The following TEX30 variants were observed in gnomAD, a reference collection of about 807,000 sequenced individuals.
The protein encoded by TEX30 is testis-expressed protein 30.
Under a neutral mutation model 23.8 loss-of-function variants are expected in TEX30, and 14 were observed. The ratio of observed to expected loss-of-function variants is 0.59; its 90% CI spans 0.39 to 0.92. TEX30 has a LOEUF of 0.92. Ranked by LOEUF, TEX30 falls within the 40% of genes least tolerant of loss-of-function variation. The pLI, the probability that TEX30 is intolerant of heterozygous loss-of-function variation, is 0.00. For synonymous variants in TEX30, 78 were observed against 90.2 expected, an observed-to-expected ratio of 0.87 and a Z score of 0.76; for missense variants, 246 against 270.6, an observed-to-expected ratio of 0.91 and a Z score of 0.64.
chr13:102,769,989 T>C, intron 2 of TEX30, 23 bp downstream of exon 2: 1 of 1,442,556 alleles, frequency 6.9e-7, no homozygotes, highest in Non-Finnish European at 9.1e-7. Flanking sequence ...ACCCTGAAGA[T>C]GCAGAACATA....
intron 1 of TEX30, 29 bp from the exon 2 acceptor site, chr13:102,770,115 G>T: frequency 1.1e-6 from 1 of 925,248 alleles, no homozygotes; most frequent in East Asian, 3.2e-5. Context: ...TGTGAAAGGT[G>T]AGTTGGCAGA....
rs1313150023 is a variant in TEX30 at position 102,773,711 on chromosome 13, C to CT, written c.-91_-90insA. Reference sequence around the variant, plus strand: ...GAAGGCAAAAGTGGCCGCGGGCACCCAACCGCCGTCACTCCCTTCAGGGAG... The same window carrying CT: ...GAAGGCAAAAGTGGCCGCGGGCACCCTAACCGCCGTCACTCCCTTCAGGGAG... On this transcript the variant is annotated 5_prime_UTR_variant, in exon 1 of 6. Transcript: ENST00000376032. The CT allele has an allele frequency of 6.6e-6, 1 of 152,142 alleles. No individual in the cohort carries two copies. Among genetic ancestry groups the CT allele is most frequent in the Non-Finnish European group, 1.5e-5 (1 of 68,010 alleles). 9.4% of individuals were successfully genotyped at this position (152,142 alleles called of 1,614,324 possible).
At chr13:102,767,220 T>C (rs987418966) in intron 5 of TEX30, 53 bp downstream of exon 5, 6 of 1,562,054 alleles carry the variant, frequency 3.8e-6, no homozygotes, top group Non-Finnish European at 5.2e-6. Context: ...GCTCCCAAGA[T>C]ATGTCTGCCT....
chr13:102,769,141 C>T (rs965003362), intron 3 of TEX30, among the ~76,000 whole-genome samples, 170 bp downstream of exon 3: 1 of 152,126 alleles, frequency 6.6e-6, no homozygotes, highest in Non-Finnish European at 1.5e-5. Flanking sequence ...AAACTGATGA[C>T]AAGGGAAATC....
At chr13:102,769,672 T>A in intron 2 of TEX30, 131 bp from the exon 3 acceptor site, 1 of 627,020 alleles carries the variant, frequency 1.6e-6, no homozygotes, top group East Asian at 2.9e-5. Flanking sequence ...AGTAGTGATA[T>A]TAATAATAGT....
In TEX30 at chr13:102,769,507, A is replaced by C. The variant is rs1214030701; in HGVS notation, c.50T>G (p.Leu17Arg). The change falls in exon 3 of 6, where the codon CTA (leucine) becomes CGA (arginine). Residue 17 changes from leucine (L) to arginine (R), a missense_variant. Physicochemically the swap from Leu to Arg is moderately radical, Grantham distance 102. Coordinates refer to ENST00000376032, the MANE Select transcript of TEX30 (RefSeq NM_138779.5). ...GTTAGGTACCAAACAAACAGCATCTAGTAATTTATTTCCAAAAGGTATTTT... is the reference window on the plus strand; with the variant it reads ...GTTAGGTACCAAACAAACAGCATCTCGTAATTTATTTCCAAAAGGTATTTT... ...KLKIPFGNKL[L>R]DAVCLVPNKS... 1 of 1,600,150 alleles carries C rather than the reference A, an allele frequency of 6.2e-7. No homozygotes were observed. Among genetic ancestry groups the C allele is most frequent in the Admixed American group, 1.8e-5 (1 of 56,206 alleles).
intron 1 of TEX30, among the ~76,000 whole-genome samples, chr13:102,771,747 C>T (rs1313887015): frequency 6.6e-6 from 1 of 152,190 alleles, no homozygotes; most frequent in Non-Finnish European, 1.5e-5. Context: ...AGCCTCCATC[C>T]AGTCTTCTAA....
intron 2 of TEX30, chr13:102,769,792 T>C (rs1425324911): frequency 1.9e-6 from 1 of 530,570 alleles, no homozygotes; most frequent in African/African-American, 2.0e-5. Flanking sequence ...CCCCATTTTA[T>C]AGATAAGGCA....
intron 1 of TEX30, among the ~76,000 whole-genome samples, chr13:102,770,986 T>G (rs566887333): frequency 2.6e-5 from 4 of 152,192 alleles, no homozygotes; most frequent in Admixed American, 6.5e-5. Flanking sequence ...ATTCATTCAA[T>G]AGGTAACAAT....
At chr13:102,766,613 T>A (rs779305204) in intron 5 of TEX30, 33 bp from the exon 6 acceptor site, 3 of 1,581,056 alleles carry the variant, frequency 1.9e-6, no homozygotes, top group Non-Finnish European at 2.6e-6. Context: ...ACTAGACTAA[T>A]GTTCTGTTGA....
chr13:102,770,350 T>C, intron 1 of TEX30: 1 of 214,554 alleles, frequency 4.7e-6, no homozygotes, highest in Non-Finnish European at 9.1e-6. Flanking sequence ...TAGGATGCTG[T>C]ATCTTGTCAA....
At chr13:102,773,033 G>A (rs1316666087) in intron 1 of TEX30, among the ~76,000 whole-genome samples, 1 of 152,272 alleles carries the variant, frequency 6.6e-6, no homozygotes, top group African/African-American at 2.4e-5. Context: ...CCACCGGCTA[G>A]GCGGTCGGCG....
At chr13:102,772,040 T>C (rs1877358385) in intron 1 of TEX30, among the ~76,000 whole-genome samples, 1 of 152,324 alleles carries the variant, frequency 6.6e-6, no homozygotes. Flanking sequence ...TGGAGGTTCA[T>C]GTTTGTTTTT....
rs1877057370 is a variant in TEX30 at position 102,768,287 on chromosome 13, A to G, written c.271T>C (p.Tyr91His). 6.2e-7 allele frequency: 1 copy of G among 1,605,682 alleles called. No homozygotes were observed. The highest frequency in any genetic ancestry group is 8.5e-7 in the Non-Finnish European group (1 of 1,177,148). ...VLNYLKTSGE[Y>H]KLAGVFLGGR... Reference sequence around the variant, plus strand: ...CCAAGAAAAACACCTGCAAGTTTGTATTCTCCTGATGTCTTCAGGTAATTC... The same window carrying G: ...CCAAGAAAAACACCTGCAAGTTTGTGTTCTCCTGATGTCTTCAGGTAATTC... Residue 91 changes from tyrosine to histidine, a missense_variant, in exon 4 of 6, where the codon TAC becomes CAC. By Grantham distance (83) the Tyr-to-His change is moderately conservative. Coordinates refer to ENST00000376032, the MANE Select transcript of TEX30 (RefSeq NM_138779.5).
Position 102,766,349 on chromosome 13 carries a change from CT to C in TEX30, c.*51del. On this transcript the variant is annotated 3_prime_UTR_variant, in exon 6 of 6. Transcript: ENST00000376032. Reference sequence around the variant, plus strand: ...ATATCTCACAATGCTGAGAGGCATACTCTTCTTTATCAAATTAACTGTATGT... The same window carrying C: ...ATATCTCACAATGCTGAGAGGCATACCTTCTTTATCAAATTAACTGTATGT... 6.8e-7 allele frequency: 1 copy of C among 1,474,620 alleles called. No homozygotes were observed. Among genetic ancestry groups the C allele is most frequent in the Non-Finnish European group, 9.3e-7 (1 of 1,073,364 alleles). 91.3% of individuals were successfully genotyped at this position (1,474,620 alleles called of 1,614,324 possible).
Position 102,766,719 on chromosome 13 carries a change from T to C in TEX30, c.505-139A>G, listed in dbSNP as rs962624416. On this transcript the variant is annotated intron_variant, in intron 5 of 5. Transcript: ENST00000376032. ...TCAGACAACTTTCTAGGTAATAGAA[T>C]GTGTGAGGAAATGTCCGTAAAAGTG... is the stretch of plus-strand genomic sequence containing the variant. 8 of 730,480 alleles carry C rather than the reference T, an allele frequency of 1.1e-5. No individual in the cohort carries two copies. The Admixed American group carries it at 1.7e-4, about 16-fold the overall frequency. 45.2% of individuals were successfully genotyped at this position (730,480 alleles called of 1,614,324 possible). A position where few individuals can be genotyped will look rare whatever the true frequency, so the allele number is the denominator to read the frequency against.
rs546337643 is a variant in TEX30, at chr13:102,769,096, A to T, written c.246+215T>A. Reference sequence around the variant, plus strand: ...AGTAGCTTCCTTGGCAATATCACGGAGGAACATTTATGATGTAAGCATTCA... The same window carrying T: ...AGTAGCTTCCTTGGCAATATCACGGTGGAACATTTATGATGTAAGCATTCA... On this transcript the variant is annotated intron_variant, in intron 3 of 5. Transcript: ENST00000376032. Among the ~76,000 whole-genome samples, 4 of 152,326 alleles carry T rather than the reference A, an allele frequency of 2.6e-5. No homozygotes were observed. In the East Asian group the frequency reaches 7.7e-4, roughly 29 times the overall value.
At chr13:102,767,590 A>C (rs1876998224) in intron 4 of TEX30, 112 bp from the exon 5 acceptor site, 1 of 1,125,860 alleles carries the variant, frequency 8.9e-7, no homozygotes, top group Admixed American at 2.3e-5. Context: ...TTTACCAACA[A>C]ATTAACTCCA....
At chr13:102,771,590 C>G (rs373910575) in intron 1 of TEX30, among the ~76,000 whole-genome samples, 3 of 152,188 alleles carry the variant, frequency 2.0e-5, no homozygotes, top group African/African-American at 7.2e-5. Flanking sequence ...TTAGTCTGAT[C>G]TGACTGCAAA....
Sources: gnomAD v4.1 joint callset for allele counts (sites outside exome capture counted in the v4.1 genomes callset) on GRCh38, gnomAD v4.1.1 for gene constraint, MANE v1.5 for transcripts, NCBI Gene and HGNC (gene_info 2026-07-23, HGNC 2026-07-21) for gene names.